The following WWC2 variants were observed in gnomAD, a reference collection of about 807,000 sequenced individuals.
WWC2 encodes WW and C2 domain containing 2.
Under a neutral mutation model 138.5 loss-of-function variants are expected in WWC2, and 101 were observed. The ratio of observed to expected loss-of-function variants is 0.73; its 90% CI spans 0.62 to 0.86. The LOEUF is 0.86. Among genes scored for constraint, WWC2 ranks in the 40% least tolerant of loss-of-function variants. The probability of loss-of-function intolerance (pLI) is 0.00; values close to 1 mark genes in which losing one functional copy is unlikely to be tolerated. For missense variants in WWC2, 1,420 were observed against 1,419.4 expected (o/e 1.00, Z -0.01); for synonymous variants, 558 against 538.4 (o/e 1.04, Z -0.50).
At chr4:183,297,500 C>T (rs1282659440) in intron 21 of WWC2, among the ~76,000 whole-genome samples, 2 of 151,730 alleles carry the variant, frequency 1.3e-5, no homozygotes, top group Non-Finnish European at 2.9e-5. Context: ...ACCTCTACCT[C>T]GCGGGTTCAA....
intron 1 of WWC2, among the ~76,000 whole-genome samples, chr4:183,159,336 T>C (rs1733892718): frequency 6.6e-6 from 1 of 152,148 alleles, no homozygotes; most frequent in Non-Finnish European, 1.5e-5. Context: ...GGAGAAGGTG[T>C]TGGGAGGTTT....
chr4:183,177,192 T>G (rs1481187844), intron 1 of WWC2, among the ~76,000 whole-genome samples: 1 of 152,344 alleles, frequency 6.6e-6, no homozygotes, highest in East Asian at 1.9e-4. Context: ...ACTCATGCAT[T>G]AGTCAGCTCT....
intron 1 of WWC2, among the ~76,000 whole-genome samples, chr4:183,188,373 G>C (rs1734876863): frequency 6.6e-6 from 1 of 151,996 alleles, no homozygotes; most frequent in Non-Finnish European, 1.5e-5. Flanking sequence ...GAGTAGCTGG[G>C]ATTACAGATG....
intron 1 of WWC2, among the ~76,000 whole-genome samples, chr4:183,117,863 C>T (rs1302040977): frequency 6.6e-6 from 1 of 151,172 alleles, no homozygotes; most frequent in Admixed American, 6.6e-5. Context: ...TGCAATGGTG[C>T]GATCTTGGCT....
chr4:183,216,037 A>G (rs1185674771), intron 4 of WWC2, among the ~76,000 whole-genome samples: 4 of 152,200 alleles, frequency 2.6e-5, no homozygotes, highest in Non-Finnish European at 5.9e-5. Context: ...GTTATGAGAT[A>G]AAGATATAAT....
At chr4:183,099,885 GC>G (rs1226249086) in intron 1 of WWC2, among the ~76,000 whole-genome samples, 6 of 152,200 alleles carry the variant, frequency 3.9e-5, no homozygotes, top group Non-Finnish European at 7.4e-5. Flanking sequence ...CGCGCGCCAG[GC>G]TAACGGACCC....
At chr4:183,112,397 A>C (rs1179582236) in intron 1 of WWC2, among the ~76,000 whole-genome samples, 1 of 152,196 alleles carries the variant, frequency 6.6e-6, no homozygotes, top group Non-Finnish European at 1.5e-5. Context: ...GCCTGTCCCC[A>C]CAGGGACACT....
At chr4:183,158,335 T>G (rs941926765) in intron 1 of WWC2, among the ~76,000 whole-genome samples, 2 of 152,086 alleles carry the variant, frequency 1.3e-5, no homozygotes, top group Non-Finnish European at 2.9e-5. Flanking sequence ...ACTGGGTGGC[T>G]TAGACAACAG....
intron 5 of WWC2, 116 bp downstream of exon 5, chr4:183,240,378 A>G: frequency 1.3e-6 from 1 of 749,528 alleles, no homozygotes; most frequent in Non-Finnish European, 2.0e-6. Context: ...AAAGTAAAAA[A>G]GTTCAGAGCT....
At chr4:183,207,474 T>A (rs1735477158) in intron 2 of WWC2, among the ~76,000 whole-genome samples, 1 of 152,154 alleles carries the variant, frequency 6.6e-6, no homozygotes, top group Admixed American at 6.5e-5. Context: ...TTACAAAATG[T>A]TTTCTATTTC....
chr4:183,174,314 A>C (rs1225218870), intron 1 of WWC2, among the ~76,000 whole-genome samples: 5 of 152,146 alleles, frequency 3.3e-5, no homozygotes, highest in African/African-American at 1.2e-4. Flanking sequence ...CAAGTCCTCC[A>C]TGGTCACACC....
chr4:183,145,256 A>G (rs1234091585), intron 1 of WWC2, among the ~76,000 whole-genome samples: 1 of 152,262 alleles, frequency 6.6e-6, no homozygotes, highest in African/African-American at 2.4e-5. Flanking sequence ...CAACTGCCTC[A>G]TAGTAAGTGA....
At chr4:183,311,062 C>T (rs891888421) in intron 21 of WWC2, among the ~76,000 whole-genome samples, 7 of 152,116 alleles carry the variant, frequency 4.6e-5, no homozygotes, top group Admixed American at 2.6e-4. Flanking sequence ...TGGAATTTGA[C>T]CCCAGGTTGT....
intron 5 of WWC2, among the ~76,000 whole-genome samples, chr4:183,244,901 C>T (rs1054527896): frequency 4.0e-5 from 6 of 151,866 alleles, no homozygotes; most frequent in South Asian, 2.1e-4. Flanking sequence ...AAAAGACATG[C>T]GTTTGTTTGA....
In WWC2 at chr4:183,320,155, C is replaced by T; in HGVS notation, c.*4426C>T. ...AGGTAGTTTGTAAGACAGGATAAAACCCATCCCAGCAAAGATAATGAAACT... is the reference window on the plus strand; with the variant it reads ...AGGTAGTTTGTAAGACAGGATAAAATCCATCCCAGCAAAGATAATGAAACT... On this transcript the variant is annotated 3_prime_UTR_variant, in exon 23 of 23. Coordinates refer to ENST00000403733, the MANE Select transcript of WWC2 (RefSeq NM_024949.6). 7 of 1,614,128 alleles carry T rather than the reference C, an allele frequency of 4.3e-6. No individual in the cohort carries two copies. Among genetic ancestry groups the T allele is most frequent in the Non-Finnish European group, 5.9e-6 (7 of 1,180,018 alleles).
intron 1 of WWC2, among the ~76,000 whole-genome samples, chr4:183,105,110 T>C (rs1253504434): frequency 4.6e-5 from 7 of 152,156 alleles, no homozygotes; most frequent in African/African-American, 1.7e-4. Context: ...GGTATCACCA[T>C]GTTGGCCAGG....
At chr4:183,183,503 C>G (rs577887373) in intron 1 of WWC2, among the ~76,000 whole-genome samples, 28 of 152,262 alleles carry the variant, frequency 1.8e-4, no homozygotes, top group African/African-American at 5.5e-4. Context: ...GCAAAACAGC[C>G]GGAAGCAGTG....
intron 1 of WWC2, among the ~76,000 whole-genome samples, chr4:183,171,614 C>T (rs759259142): frequency 4.0e-5 from 6 of 150,690 alleles, no homozygotes; most frequent in Non-Finnish European, 5.9e-5. Flanking sequence ...TAAAACTTTA[C>T]GTTAATCAAA....
chr4:183,171,933 G>A (rs1401247098), intron 1 of WWC2, among the ~76,000 whole-genome samples: 2 of 152,046 alleles, frequency 1.3e-5, no homozygotes, highest in Non-Finnish European at 2.9e-5. Flanking sequence ...CTATCACCTT[G>A]TAAAGAAATC....
Sources: gnomAD v4.1 joint callset for allele counts (sites outside exome capture counted in the v4.1 genomes callset) on GRCh38, gnomAD v4.1.1 for gene constraint, MANE v1.5 for transcripts, NCBI Gene and HGNC (gene_info 2026-07-23, HGNC 2026-07-21) for gene names.